ZNF516: variants seen among roughly 807,000 people sequenced by gnomAD.
ZNF516 encodes the protein zinc finger protein 516.
A neutral mutation model predicts 79.7 loss-of-function variants in ZNF516; 19 were observed. The ratio of observed to expected loss-of-function variants is 0.24; its 90% CI spans 0.17 to 0.35. The LOEUF is 0.35. ZNF516 is among the 10% of genes least tolerant of loss of function. ZNF516 has a pLI of 1.00. For synonymous variants in ZNF516, 877 were observed against 739.5 expected, an observed-to-expected ratio of 1.19 and a Z score of -3.02; for missense variants, 1,678 against 1,679.5, an observed-to-expected ratio of 1.00 and a Z score of 0.02.
chr18:76,407,037 G>A (rs1234931772), intron 3 of ZNF516, among the ~76,000 whole-genome samples: 1 of 152,164 alleles, frequency 6.6e-6, no homozygotes. Flanking sequence ...AGGTTCTCTC[G>A]TGCACAGGCT....
chr18:76,456,877 C>CT (rs1381263924), intron 2 of ZNF516, among the ~76,000 whole-genome samples: 1 of 152,212 alleles, frequency 6.6e-6, no homozygotes, highest in Non-Finnish European at 1.5e-5. Context: ...TACGTTTACT[C>CT]TGAGTTTTGT....
intron 3 of ZNF516, among the ~76,000 whole-genome samples, chr18:76,400,252 C>T (rs1279409222): frequency 6.6e-6 from 1 of 152,174 alleles, no homozygotes; most frequent in African/African-American, 2.4e-5. Context: ...GAGATGAACA[C>T]AGGAGCAGGC....
At chr18:76,371,381 C>A in intron 5 of ZNF516, 86 bp downstream of exon 5, 1 of 1,334,236 alleles carries the variant, frequency 7.5e-7, no homozygotes, top group Non-Finnish European at 1.0e-6. Context: ...CTCAGTATCT[C>A]CCTCGCTGCG....
chr18:76,368,667 C>A (rs1411654739), intron 6 of ZNF516, among the ~76,000 whole-genome samples: 1 of 152,052 alleles, frequency 6.6e-6, no homozygotes, highest in Non-Finnish European at 1.5e-5. Context: ...ATATTTTAGT[C>A]TAGAGAGACA....
chr18:76,391,075 G>T (rs959518456), intron 3 of ZNF516, among the ~76,000 whole-genome samples: 1 of 152,166 alleles, frequency 6.6e-6, no homozygotes, highest in African/African-American at 2.4e-5. Context: ...GGTACGGAAG[G>T]TGGGGACACC....
intron 4 of ZNF516, among the ~76,000 whole-genome samples, chr18:76,375,092 T>C (rs2074765122): frequency 6.6e-6 from 1 of 152,232 alleles, no homozygotes; most frequent in Non-Finnish European, 1.5e-5. Context: ...ACAGATTTCC[T>C]GGGCTGCGGT....
chr18:76,480,792 G>A (rs934732096), intron 1 of ZNF516, among the ~76,000 whole-genome samples: 8 of 152,122 alleles, frequency 5.3e-5, no homozygotes, highest in Non-Finnish European at 1.0e-4. Flanking sequence ...AAAATGCTGG[G>A]ATTACAGGTG....
chr18:76,370,624 T>C (rs922699932), intron 5 of ZNF516, 29 bp from the exon 6 acceptor site: 5 of 1,568,172 alleles, frequency 3.2e-6, no homozygotes, highest in Non-Finnish European at 4.3e-6. Flanking sequence ...TGTTAACAGA[T>C]CAGCGTGTGA....
chr18:76,492,232 G>A (rs1004102872), intron 1 of ZNF516: 1 of 985,344 alleles, frequency 1.0e-6, no homozygotes, highest in Non-Finnish European at 1.2e-6. Flanking sequence ...CATTTACACG[G>A]AGATGCTGCT....
At chr18:76,443,595 G>A (rs1911864693) in intron 2 of ZNF516, among the ~76,000 whole-genome samples, 3 of 152,144 alleles carry the variant, frequency 2.0e-5, no homozygotes, top group Non-Finnish European at 4.4e-5. Context: ...TTAGGAAAAG[G>A]GCAGGAATAA....
At chr18:76,381,068 T>C (rs1485210523) in intron 3 of ZNF516, among the ~76,000 whole-genome samples, 7 of 152,140 alleles carry the variant, frequency 4.6e-5, no homozygotes, top group Non-Finnish European at 8.8e-5. Context: ...GGAGAGCGTG[T>C]CTGAGCCACA....
chr18:76,443,858 T>C (rs150939927), intron 2 of ZNF516, among the ~76,000 whole-genome samples: 3 of 152,304 alleles, frequency 2.0e-5, no homozygotes, highest in Admixed American at 2.0e-4. Context: ...CTGGGTCTGC[T>C]CCTAGAGATT....
intron 3 of ZNF516, 59 bp from the exon 4 acceptor site, chr18:76,380,362 C>G: frequency 6.4e-7 from 1 of 1,574,194 alleles, no homozygotes; most frequent in Non-Finnish European, 8.6e-7. Context: ...CACAGCAAGA[C>G]ACACGGTGCG....
chr18:76,397,789 T>C (rs1390731799), intron 3 of ZNF516, among the ~76,000 whole-genome samples: 1 of 152,146 alleles, frequency 6.6e-6, no homozygotes, highest in Non-Finnish European at 1.5e-5. Flanking sequence ...TTTGTAGAGA[T>C]GGGTCTCACT....
At chr18:76,401,987 G>A (rs1007601734) in intron 3 of ZNF516, among the ~76,000 whole-genome samples, 1 of 149,030 alleles carries the variant, frequency 6.7e-6, no homozygotes, top group Non-Finnish European at 1.5e-5. Context: ...CTATGTGCAT[G>A]TGTGTACGCG....
intron 1 of ZNF516, among the ~76,000 whole-genome samples, chr18:76,477,637 AT>A (rs1487324765): frequency 1.3e-5 from 2 of 151,834 alleles, no homozygotes; most frequent in African/African-American, 4.8e-5. Flanking sequence ...AATCCCCTAC[AT>A]TTTCCCTTCC....
At chr18:76,423,976 C>A (rs1349722848) in intron 3 of ZNF516, among the ~76,000 whole-genome samples, 8 of 135,434 alleles carry the variant, frequency 5.9e-5, no homozygotes, top group Admixed American at 7.6e-5. Flanking sequence ...TGAAAAGGCT[C>A]CCCCGAAACA....
chr18:76,463,801 A>G (rs1418337396), intron 1 of ZNF516, among the ~76,000 whole-genome samples: 1 of 152,230 alleles, frequency 6.6e-6, no homozygotes, highest in African/African-American at 2.4e-5. Flanking sequence ...AAGTCATTCC[A>G]AAGCGATTTG....
At chr18:76,491,843 C>T (rs1915245394) in intron 1 of ZNF516, among the ~76,000 whole-genome samples, 2 of 152,136 alleles carry the variant, frequency 1.3e-5, no homozygotes, top group Admixed American at 6.5e-5. Context: ...CCAACGACAC[C>T]TCCCAGGGCT....
Sources: gnomAD v4.1 joint callset for allele counts (sites outside exome capture counted in the v4.1 genomes callset) on GRCh38, gnomAD v4.1.1 for gene constraint, MANE v1.5 for transcripts, NCBI Gene and HGNC (gene_info 2026-07-23, HGNC 2026-07-21) for gene names.